CDHR3: variants seen among roughly 807,000 people sequenced by gnomAD.
CDHR3 encodes cadherin related family member 3, also known as cadherin-related family member 3.
Under a neutral mutation model 86.6 loss-of-function variants are expected in CDHR3, and 79 were observed. The ratio of observed to expected loss-of-function variants is 0.91; its 90% confidence interval spans 0.76 to 1.10. CDHR3 has a LOEUF of 1.10. Ranked by LOEUF, CDHR3 falls within the 50% of genes least tolerant of loss-of-function variation. The pLI, the probability that CDHR3 is intolerant of heterozygous loss-of-function variation, is 0.00. For missense variants in CDHR3, 1,081 were observed against 1,077.6 expected (o/e 1.00, Z -0.04); for synonymous variants, 421 against 402.4 (o/e 1.05, Z -0.55).
rs1399503536 is a variant in CDHR3, at chr7:106,024,562, T to C, written c.2258T>C (p.Leu753Pro). 8 of 1,613,920 alleles carry C rather than the reference T, an allele frequency of 5.0e-6. No individual in the cohort carries two copies. In the South Asian group the frequency reaches 7.7e-5, roughly 16 times the overall value. ...AAGACTGGGAAGAACAAGGAACCTC[T>C]GTAAGTTGCCAGTGGGCTGGGCCCT... The part of the protein sequence containing the change: ...PCKTGKNKEP[L>P]TKKGETKTAE... The change falls in exon 15 of 19, where the codon CTG (leucine) becomes CCG (proline). Residue 753 changes from leucine to proline, a missense_variant and splice_region_variant. Transcript: ENST00000317716.
chr7:105,979,551 T>C (rs547243010), intron 2 of CDHR3, among the ~76,000 whole-genome samples: 3 of 152,202 alleles, frequency 2.0e-5, no homozygotes, highest in Non-Finnish European at 4.4e-5. Flanking sequence ...TCTCCTTCAG[T>C]TTCCATAGTA....
chr7:106,000,772 C>T (rs571382283), intron 6 of CDHR3, among the ~76,000 whole-genome samples: 64 of 152,016 alleles, frequency 4.2e-4, no homozygotes, highest in African/African-American at 1.5e-3. Context: ...GGTTATCTTG[C>T]AAGAAGGACA....
At chr7:106,006,992 G>A (rs1421951470) in intron 8 of CDHR3, among the ~76,000 whole-genome samples, 1 of 152,236 alleles carries the variant, frequency 6.6e-6, no homozygotes, top group East Asian at 1.9e-4. Flanking sequence ...AATCTAAGCG[G>A]AGGTTCTCAA....
chr7:106,015,303 C>A, intron 10 of CDHR3, 90 bp downstream of exon 10: 2 of 1,146,694 alleles, frequency 1.7e-6, no homozygotes, highest in South Asian at 1.4e-5. Context: ...TGTGCTAGGT[C>A]CCCCTTCTCA....
chr7:106,004,161 C>A (rs965203232), intron 7 of CDHR3, among the ~76,000 whole-genome samples: 1 of 152,184 alleles, frequency 6.6e-6, no homozygotes, highest in African/African-American at 2.4e-5. Context: ...ACTGATCCTC[C>A]AATGTGTGCC....
intron 8 of CDHR3, among the ~76,000 whole-genome samples, chr7:106,009,067 G>T (rs1355249606): frequency 6.6e-6 from 1 of 152,192 alleles, no homozygotes; most frequent in East Asian, 1.9e-4. Flanking sequence ...GACTGTCCAG[G>T]CAAGACCAAA....
chr7:105,996,647 T>C (rs548896823), intron 6 of CDHR3, among the ~76,000 whole-genome samples: 1 of 152,226 alleles, frequency 6.6e-6, no homozygotes, highest in East Asian at 1.9e-4. Context: ...ACTGTGCACA[T>C]GCAGAGGGTG....
At chr7:106,026,337 A>C (rs139596237) in intron 15 of CDHR3, among the ~76,000 whole-genome samples, 79 of 152,288 alleles carry the variant, frequency 5.2e-4, no homozygotes, top group Non-Finnish European at 9.4e-4. Context: ...TTGGGGAGAA[A>C]GGGATAGGGC....
chr7:105,982,571 T>C (rs538708839), intron 3 of CDHR3, among the ~76,000 whole-genome samples: 1 of 151,110 alleles, frequency 6.6e-6, no homozygotes, highest in African/African-American at 2.4e-5. Context: ...TCCCCCTCAG[T>C]CCCTGTGACC....
At chr7:105,979,710 T>C (rs974794659) in intron 2 of CDHR3, among the ~76,000 whole-genome samples, 17 of 152,156 alleles carry the variant, frequency 1.1e-4, no homozygotes, top group African/African-American at 4.1e-4. Context: ...GTGGTGGAGA[T>C]GGAGTTGGAG....
intron 4 of CDHR3, among the ~76,000 whole-genome samples, chr7:105,985,691 A>C (rs1830424407): frequency 6.6e-6 from 1 of 152,100 alleles, no homozygotes; most frequent in Non-Finnish European, 1.5e-5. Flanking sequence ...TCATTCATTA[A>C]CTCATTCATT....
intron 15 of CDHR3, 27 bp from the exon 16 acceptor site, chr7:106,026,655 T>TA (rs760032517): frequency 1.9e-6 from 3 of 1,613,152 alleles, no homozygotes; most frequent in Non-Finnish European, 2.5e-6. Context: ...TCAAGTGAAT[T>TA]AATAGCCATT....
Position 106,012,952 on chromosome 7 carries a change from G to C in CDHR3, c.1145G>C (p.Arg382Thr). 1 of 1,613,810 alleles carries C rather than the reference G, an allele frequency of 6.2e-7. No individual in the cohort carries two copies. Among genetic ancestry groups the C allele is most frequent in the Non-Finnish European group, 8.5e-7 (1 of 1,179,828 alleles). Reference sequence around the variant, plus strand: ...GATGACAGTGAGGCACCAAACAACAGATTCAACTTCACCATGCCATCTGGA... The same window carrying C: ...GATGACAGTGAGGCACCAAACAACACATTCAACTTCACCATGCCATCTGGA... ...FDDDSEAPNN[R>T]FNFTMPSGVG... is the part of the protein sequence containing the mutation. The change falls in exon 9 of 19, where the codon AGA becomes ACA. Residue 382 changes from arginine to threonine, a missense_variant. Physicochemically the swap from Arg to Thr is moderately conservative, Grantham distance 71. Coordinates refer to ENST00000317716, the MANE Select transcript of CDHR3 (RefSeq NM_152750.5).
At chr7:106,019,568 T>C (rs745679557) in intron 12 of CDHR3, among the ~76,000 whole-genome samples, 3 of 152,168 alleles carry the variant, frequency 2.0e-5, no homozygotes, top group Non-Finnish European at 2.9e-5. Context: ...ATCACACAAG[T>C]CCCTTTCAGG....
Position 106,004,613 on chromosome 7 carries a change from G to T in CDHR3, c.978G>T (p.Glu326Asp), listed in dbSNP as rs757823336. The T allele has an allele frequency of 1.2e-6, 2 of 1,613,918 alleles. No homozygotes were observed. Among genetic ancestry groups the T allele is most frequent in the Non-Finnish European group, 1.7e-6 (2 of 1,179,906 alleles). ...LVKDRPYGGQ[E>D]NRIQITFIVE... ...AGGACAGACCATATGGGGGTCAGGA[G>T]AATCGCATCCAGATAACCTTCATTG... is the stretch of plus-strand genomic sequence containing the variant. Residue 326 changes from glutamate (E) to aspartate (D), a missense_variant, in exon 8 of 19, where the codon GAG becomes GAT. Transcript: ENST00000317716.
intron 14 of CDHR3, among the ~76,000 whole-genome samples, chr7:106,023,547 T>TTCC (rs915716011): frequency 3.6e-4 from 54 of 151,828 alleles, no homozygotes; most frequent in East Asian, 7.7e-4. Context: ...CCTCCTCCTC[T>TTCC]TCCTCCTCCT....
At chr7:105,966,084 TA>T (rs1329905188) in intron 1 of CDHR3, among the ~76,000 whole-genome samples, 2 of 152,174 alleles carry the variant, frequency 1.3e-5, no homozygotes, top group African/African-American at 4.8e-5. Context: ...GAATATAAAC[TA>T]GACAAAACTT....
At chr7:105,979,834 C>T (rs1829371836) in intron 2 of CDHR3, among the ~76,000 whole-genome samples, 1 of 152,214 alleles carries the variant, frequency 6.6e-6, no homozygotes, top group East Asian at 1.9e-4. Context: ...ATTTAGTCCT[C>T]AATGTCCCCA....
chr7:106,009,925 G>T (rs373461327), intron 8 of CDHR3, among the ~76,000 whole-genome samples: 93 of 152,324 alleles, frequency 6.1e-4, no homozygotes, highest in African/African-American at 2.1e-3. Flanking sequence ...TGGTCTGATG[G>T]CTGGGAGCGA....
Sources: allele counts gnomAD v4.1 joint callset (sites outside exome capture counted in the v4.1 genomes callset), GRCh38; gene constraint gnomAD v4.1.1; transcripts MANE v1.5; gene names NCBI Gene and HGNC (gene_info 2026-07-23, HGNC 2026-07-21).